Variants in ASCC3 observed in about 807,000 individuals in gnomAD.
The protein encoded by ASCC3 is activating signal cointegrator 1 complex subunit 3, also known as ASC-1 complex subunit P200.
ASCC3 carries 158 observed loss-of-function variants against 256.3 expected under a neutral mutation model. The ratio of observed to expected loss-of-function variants is 0.62; its 90% CI spans 0.54 to 0.70. The LOEUF is 0.70. Among genes scored for constraint, ASCC3 ranks in the 30% least tolerant of loss-of-function variants. The probability of loss-of-function intolerance (pLI) is 0.00; values close to 1 mark genes in which losing one functional copy is unlikely to be tolerated. For missense variants in ASCC3, 2,259 were observed against 2,626.0 expected (o/e 0.86, Z 3.05); for synonymous variants, 948 against 883.4 (o/e 1.07, Z -1.30).
chr6:100,591,645 C>A lies in ASCC3; in HGVS notation c.5304-1586G>T, dbSNP rs546246164. Among the ~76,000 whole-genome samples, 20 of 152,008 alleles carry A rather than the reference C, an allele frequency of 1.3e-4. No individual in the cohort carries two copies. The South Asian group carries it at 4.2e-3, about 32-fold the overall frequency. ...TCTTTTTTTAAACCAAATCTGTCTGCCTTGATCTTGGAACAAACAATTCTT... is the reference window on the plus strand; with the variant it reads ...TCTTTTTTTAAACCAAATCTGTCTGACTTGATCTTGGAACAAACAATTCTT... On this transcript the variant is annotated intron_variant, in intron 34 of 41. Transcript: ENST00000369162.
At chr6:100,640,982 T>C (rs76055827) in intron 24 of ASCC3, among the ~76,000 whole-genome samples, 2,137 of 152,224 alleles carry the variant, frequency 0.014, 39 homozygotes, top group African/African-American at 0.049. Flanking sequence ...GGAAGAACCA[T>C]ATGAGAAAAA....
intron 26 of ASCC3, 125 bp from the exon 27 acceptor site, chr6:100,629,306 T>A (rs1774416040): frequency 4.6e-6 from 4 of 870,712 alleles, no homozygotes; most frequent in Non-Finnish European, 6.9e-6. Context: ...CTACCTTTGA[T>A]TTTTGAAATT....
At chr6:100,582,831 T>C (rs949362366) in intron 36 of ASCC3, among the ~76,000 whole-genome samples, 1 of 152,206 alleles carries the variant, frequency 6.6e-6, no homozygotes, top group Admixed American at 6.5e-5. Context: ...CTTTCCTCCA[T>C]CTATTGAGAT....
At chr6:100,757,102 TA>T (rs1781214577) in intron 10 of ASCC3, among the ~76,000 whole-genome samples, 1 of 152,062 alleles carries the variant, frequency 6.6e-6, no homozygotes, top group Admixed American at 6.6e-5. Flanking sequence ...ATTTCAAAAT[TA>T]AAATGTTCAG....
chr6:100,530,334 A>C, intron 37 of ASCC3: 7 of 1,423,766 alleles, frequency 4.9e-6, no homozygotes, highest in African/African-American at 1.4e-5. Flanking sequence ...ATCTTCACAC[A>C]ATCTAGTGAA....
intron 39 of ASCC3, among the ~76,000 whole-genome samples, chr6:100,515,350 C>T (rs1415302924): frequency 1.3e-5 from 2 of 152,096 alleles, no homozygotes; most frequent in Non-Finnish European, 2.9e-5. Flanking sequence ...ATGCCTGTTA[C>T]ACTTTTTCCA....
At chr6:100,822,314 A>T (rs935824864) in intron 4 of ASCC3, among the ~76,000 whole-genome samples, 5 of 152,206 alleles carry the variant, frequency 3.3e-5, no homozygotes, top group Admixed American at 2.0e-4. Context: ...AGGCAGGCAG[A>T]TCACTTGAGC....
intron 20 of ASCC3, 31 bp downstream of exon 20, chr6:100,650,507 A>G (rs777296477): frequency 1.2e-6 from 2 of 1,607,478 alleles, no homozygotes; most frequent in Admixed American, 1.7e-5. Context: ...TATTCAAGGA[A>G]GAGAAAACTG....
chr6:100,696,142 TATG>T (rs1247037206), intron 13 of ASCC3, among the ~76,000 whole-genome samples: 1 of 152,214 alleles, frequency 6.6e-6, no homozygotes, highest in Non-Finnish European at 1.5e-5. Context: ...GATCTAAGAC[TATG>T]ATGTTATTCT....
Position 100,876,560 on chromosome 6 carries a change from A to G in ASCC3, c.-42+4501T>C, listed in dbSNP as rs372356525. 1.2e-3 allele frequency among the ~76,000 whole-genome samples: 176 copies of G among 152,302 alleles called. 1 individual carries two copies. The highest frequency in any genetic ancestry group is 3.4e-3 in the African/African-American group (141 of 41,574). ...CCTAGATGAAAGGAAAAGATGTTCA[A>G]CTAGGAGGTCTTAAAGATGAATCAT... On this transcript the variant is annotated intron_variant, in intron 1 of 41. Coordinates refer to ENST00000369162, the MANE Select transcript of ASCC3 (RefSeq NM_006828.4).
At chr6:100,602,034 A>AT in intron 33 of ASCC3, 99 bp from the exon 34 acceptor site, 1 of 1,321,782 alleles carries the variant, frequency 7.6e-7, no homozygotes, top group Non-Finnish European at 1.0e-6. Context: ...ATGTTCTAAG[A>AT]TAAAAACAAA....
rs781270757 is a variant in ASCC3, at chr6:100,848,236, A to G, written c.713T>C (p.Met238Thr). The change falls in exon 4 of 42, where the codon ATG becomes ACG. Residue 238 changes from methionine to threonine, a missense_variant. Met to Thr is a moderately conservative substitution (Grantham distance 81). This residue lies in a region of ASCC3 where 420 missense variants were observed against 419.3 expected (regional missense o/e 1.00). Coordinates refer to ENST00000369162, the MANE Select transcript of ASCC3 (RefSeq NM_006828.4). ...EKYLNSTLKE[M>T]TEVPRVEDLC... ...ATCTTCTACTCTTGGCACTTCAGTC[A>G]TTTCCTTCAAAGTTGAATTTAGGTA... 2.4e-5 allele frequency: 38 copies of G among 1,613,914 alleles called. No individual in the cohort carries two copies. The South Asian group carries it at 3.7e-4, about 16-fold the overall frequency.
At chr6:100,523,506 G>T (rs1248322781) in intron 37 of ASCC3, among the ~76,000 whole-genome samples, 1 of 152,142 alleles carries the variant, frequency 6.6e-6, no homozygotes, top group Non-Finnish European at 1.5e-5. Context: ...AGAACTCATA[G>T]AAAAGAGGGG....
At chr6:100,578,507 G>A (rs955491572) in intron 36 of ASCC3, among the ~76,000 whole-genome samples, 20 of 152,178 alleles carry the variant, frequency 1.3e-4, no homozygotes, top group Non-Finnish European at 2.4e-4. Flanking sequence ...TTATAAGTGA[G>A]AATATGTGGT....
At chr6:100,809,528 A>C (rs1770357320) in intron 4 of ASCC3, among the ~76,000 whole-genome samples, 1 of 152,076 alleles carries the variant, frequency 6.6e-6, no homozygotes, top group Non-Finnish European at 1.5e-5. Context: ...CACTGACCAA[A>C]ACATCCTTAT....
At position 100,587,889 on chromosome 6, in the gene ASCC3, G is replaced by C. The variant is rs75688929; in HGVS notation, c.5550+1745C>G. On this transcript the variant is annotated intron_variant, in intron 36 of 41. Transcript: ENST00000369162. The stretch of plus-strand genomic sequence containing the variant: ...ACGTTTAATTCCCCTGGGATTTTAA[G>C]GTTTTTTTTGGCTTTTTTAGTGGAG... Among the ~76,000 whole-genome samples, 14 of 152,254 alleles carry C rather than the reference G, an allele frequency of 9.2e-5. No homozygotes were observed. The East Asian group carries it at 2.7e-3, about 29-fold the overall frequency.
At chr6:100,692,264 G>A (rs1777880229) in intron 13 of ASCC3, among the ~76,000 whole-genome samples, 1 of 151,944 alleles carries the variant, frequency 6.6e-6, no homozygotes, top group South Asian at 2.1e-4. Context: ...TTTCATAAAT[G>A]ATGGTTTTTC....
chr6:100,598,887 ACT>A (rs1337046393), intron 34 of ASCC3, among the ~76,000 whole-genome samples: 2 of 152,220 alleles, frequency 1.3e-5, no homozygotes, highest in Non-Finnish European at 2.9e-5. Flanking sequence ...TGAAAGACAG[ACT>A]AAAAGCAGGT....
At chr6:100,637,270 T>C (rs1774886983) in intron 25 of ASCC3, among the ~76,000 whole-genome samples, 1 of 152,158 alleles carries the variant, frequency 6.6e-6, no homozygotes. Flanking sequence ...GCTCTATAAA[T>C]GGAACAACAA....
Sources: allele counts gnomAD v4.1 joint callset (sites outside exome capture counted in the v4.1 genomes callset), GRCh38; gene constraint gnomAD v4.1.1; regional missense constraint gnomAD v4.1.1; transcripts MANE v1.5; gene names NCBI Gene and HGNC (gene_info 2026-07-23, HGNC 2026-07-21).